Variants in CA10 observed in about 807,000 individuals in gnomAD.
The protein encoded by CA10 is carbonic anhydrase 10 (inactive).
In CA10, 14 loss-of-function variants were observed where a neutral mutation model predicts 44.2. The observed-to-expected ratio is 0.32, with a 90% confidence interval of 0.21 to 0.50. CA10 has a LOEUF of 0.50. Ranked by LOEUF, CA10 falls within the 20% of genes least tolerant of loss-of-function variation. The probability of loss-of-function intolerance (pLI) is 0.99; values close to 1 mark genes in which losing one functional copy is unlikely to be tolerated. For missense variants in CA10, 350 were observed against 409.7 expected (o/e 0.85, Z 1.26); for synonymous variants, 159 against 141.6 (o/e 1.12, Z -0.87).
At chr17:51,947,224 C>CAAAAAAAAA (rs1198796736) in intron 2 of CA10, among the ~76,000 whole-genome samples, 4 of 52,122 alleles carry the variant, frequency 7.7e-5, no homozygotes, top group African/African-American at 1.5e-4. Context: ...TCTTCATGTG[C>CAAAAAAAAA]AAAAAAAAAA....
intron 3 of CA10, among the ~76,000 whole-genome samples, chr17:51,833,904 G>T (rs530660711): frequency 4.3e-4 from 65 of 152,296 alleles, no homozygotes; most frequent in African/African-American, 1.4e-3. Context: ...TGAAAATATG[G>T]TTTATAATTT....
At chr17:51,655,873 G>A (rs117836491) in intron 4 of CA10, among the ~76,000 whole-genome samples, 1,627 of 152,324 alleles carry the variant, frequency 0.011, 11 homozygotes, top group Non-Finnish European at 0.017. Context: ...TTTGCCAGTG[G>A]AGATGGATGA....
At chr17:51,805,232 C>T (rs1260072082) in intron 3 of CA10, among the ~76,000 whole-genome samples, 2 of 152,248 alleles carry the variant, frequency 1.3e-5, no homozygotes, top group Admixed American at 6.5e-5. Context: ...TGAGGGCTTT[C>T]CTTCCATCTT....
intron 2 of CA10, among the ~76,000 whole-genome samples, chr17:52,053,614 A>G (rs1987139540): frequency 6.6e-6 from 1 of 152,110 alleles, no homozygotes; most frequent in African/African-American, 2.4e-5. Flanking sequence ...CAAAGAAGAA[A>G]TATGGAAGAT....
rs534361568 is a variant in CA10 at position 51,918,481 on chromosome 17, G to A, written c.279+12509C>T. On this transcript the variant is annotated intron_variant, in intron 3 of 8. Transcript: ENST00000451037. ...TATTAGATATAACGTACCAAACTGT[G>A]TGCGTGTATACATTTTCACCCACTG... 2.6e-5 allele frequency among the ~76,000 whole-genome samples: 4 copies of A among 152,314 alleles called. No homozygotes were observed. The East Asian group carries it at 7.7e-4, about 29-fold the overall frequency.
intron 4 of CA10, among the ~76,000 whole-genome samples, chr17:51,739,118 C>G (rs1182003740): frequency 6.6e-6 from 1 of 152,104 alleles, no homozygotes; most frequent in Non-Finnish European, 1.5e-5. Flanking sequence ...TTTCGTGGAA[C>G]CTCTACAAAT....
chr17:52,080,366 G>A (rs1446286985), intron 1 of CA10, among the ~76,000 whole-genome samples: 3 of 151,770 alleles, frequency 2.0e-5, no homozygotes, highest in African/African-American at 7.3e-5. Flanking sequence ...GCAGGAGAAT[G>A]GCATGAACCA....
intron 3 of CA10, among the ~76,000 whole-genome samples, chr17:51,900,305 A>G (rs2143929116): frequency 6.6e-6 from 1 of 152,312 alleles, no homozygotes; most frequent in Admixed American, 6.5e-5. Context: ...TTGGCAGGAT[A>G]TCAAATTCTT....
At chr17:51,669,491 C>T (rs1274950747) in intron 4 of CA10, among the ~76,000 whole-genome samples, 2 of 152,148 alleles carry the variant, frequency 1.3e-5, no homozygotes, top group Non-Finnish European at 2.9e-5. Flanking sequence ...GGTCCCCTTC[C>T]ACACTGTGGA....
chr17:51,720,758 T>C (rs1245973063), intron 4 of CA10, among the ~76,000 whole-genome samples: 1 of 151,946 alleles, frequency 6.6e-6, no homozygotes, highest in Non-Finnish European at 1.5e-5. Context: ...CAGAGGTTGG[T>C]GGAGAGAGGG....
intron 4 of CA10, among the ~76,000 whole-genome samples, chr17:51,675,922 C>T (rs137938664): frequency 6.5e-5 from 9 of 138,500 alleles, no homozygotes; most frequent in Admixed American, 2.2e-4. Context: ...ACACTCCCAT[C>T]GGAACACTCT....
rs183358848 is a variant in CA10 at position 51,748,607 on chromosome 17, C to T, written c.280-789G>A. ...ATCTGAAACTCTACTTTCTTACTCT[C>T]TTGGGTTGACTTAGCTCTGGGAGTA... On this transcript the variant is annotated intron_variant, in intron 3 of 8. Coordinates refer to ENST00000451037, the MANE Select transcript of CA10 (RefSeq NM_020178.5). 1,476 of 406,280 alleles carry T rather than the reference C, an allele frequency of 3.6e-3. 12 individuals carry two copies. In the East Asian group the frequency reaches 0.041, roughly 11 times the overall value. The allele number at this position is 406,280 out of a possible 1,614,324, so 25.2% of individuals were successfully genotyped here. A position where few individuals can be genotyped will look rare whatever the true frequency, so the allele number is the denominator to read the frequency against.
chr17:51,632,881 C>T (rs750639324), intron 8 of CA10, among the ~76,000 whole-genome samples: 18 of 152,148 alleles, frequency 1.2e-4, no homozygotes, highest in Non-Finnish European at 1.9e-4. Flanking sequence ...TTAAATGTCC[C>T]CTTTAGTGGG....
intron 2 of CA10, among the ~76,000 whole-genome samples, chr17:52,040,668 A>G (rs1020840059): frequency 6.6e-6 from 1 of 152,070 alleles, no homozygotes; most frequent in South Asian, 2.1e-4. Flanking sequence ...ATGTTTCCAG[A>G]TCAAAGCACA....
chr17:51,661,552 G>A (rs145638848), intron 4 of CA10: 2 of 152,316 alleles, frequency 1.3e-5, no homozygotes, highest in East Asian at 3.9e-4. Flanking sequence ...CTTAGCCCAA[G>A]GCCTGGCATG....
intron 3 of CA10, among the ~76,000 whole-genome samples, chr17:51,815,484 A>G (rs1489377725): frequency 6.6e-6 from 1 of 152,114 alleles, no homozygotes; most frequent in Non-Finnish European, 1.5e-5. Context: ...TAAAATTCAT[A>G]CAGTGAACTC....
At chr17:51,658,073 C>T (rs534791870) in intron 4 of CA10, among the ~76,000 whole-genome samples, 19 of 152,156 alleles carry the variant, frequency 1.2e-4, no homozygotes, top group Non-Finnish European at 2.4e-4. Context: ...TGAGAAATGG[C>T]AGGCAGTCTT....
At chr17:51,776,632 T>C (rs1423823024) in intron 3 of CA10, among the ~76,000 whole-genome samples, 1 of 152,208 alleles carries the variant, frequency 6.6e-6, no homozygotes, top group Non-Finnish European at 1.5e-5. Context: ...TTCATAAAAC[T>C]TGTAGTTGAA....
intron 3 of CA10, among the ~76,000 whole-genome samples, chr17:51,817,870 C>G (rs1228600004): frequency 6.6e-6 from 1 of 152,142 alleles, no homozygotes; most frequent in Non-Finnish European, 1.5e-5. Flanking sequence ...CATATAAAGA[C>G]AAGCATAGTC....
Sources: gnomAD v4.1 joint callset for allele counts (sites outside exome capture counted in the v4.1 genomes callset) on GRCh38, gnomAD v4.1.1 for gene constraint, MANE v1.5 for transcripts, NCBI Gene and HGNC (gene_info 2026-07-23, HGNC 2026-07-21) for gene names.